The following NMT2 variants were observed in gnomAD, a reference collection of about 807,000 sequenced individuals.
NMT2 encodes the protein N-myristoyltransferase 2.
Under a neutral mutation model 65.4 loss-of-function variants are expected in NMT2, and 35 were observed. That is an observed-to-expected ratio of 0.54 (90% CI 0.41 to 0.71). The LOEUF is 0.71. Among genes scored for constraint, NMT2 ranks in the 30% least tolerant of loss-of-function variants. The pLI, the probability that NMT2 is intolerant of heterozygous loss-of-function variation, is 0.00. For synonymous variants in NMT2, 226 were observed against 231.8 expected (o/e 0.98, Z 0.23); for missense variants, 489 against 611.3 (o/e 0.80, Z 2.11).
intron 1 of NMT2, among the ~76,000 whole-genome samples, chr10:15,146,530 C>T (rs1846969696): frequency 6.6e-6 from 1 of 152,176 alleles, no homozygotes; most frequent in South Asian, 2.1e-4. Flanking sequence ...TGCCCAGAAA[C>T]CCCTATGGGT....
chr10:15,164,575 C>A (rs756827101), intron 1 of NMT2, among the ~76,000 whole-genome samples: 14 of 152,186 alleles, frequency 9.2e-5, no homozygotes, highest in African/African-American at 3.1e-4. Flanking sequence ...AAAAGGACAG[C>A]GAGAAGACAG....
chr10:15,151,188 A>T lies in NMT2; in HGVS notation c.111-9631T>A, dbSNP rs192299723. On this transcript the variant is annotated intron_variant, in intron 1 of 11. Coordinates refer to ENST00000378165, the MANE Select transcript of NMT2 (RefSeq NM_004808.3). ...ATTCTCCTGCCTCAGCCTCCCAAGT[A>T]GCTGGGATTACAGGCATGCGCCACC... is the stretch of plus-strand genomic sequence containing the variant. Among the ~76,000 whole-genome samples, 240 of 151,786 alleles carry T rather than the reference A, an allele frequency of 1.6e-3. 1 individual carries two copies. Among genetic ancestry groups the T allele is most frequent in the African/African-American group, 5.5e-3 (226 of 41,320 alleles).
At chr10:15,140,901 T>C (rs1846731373) in intron 2 of NMT2, 9 of 1,241,336 alleles carry the variant, frequency 7.3e-6, no homozygotes, top group African/African-American at 1.5e-5. Context: ...ACTAGGAGAA[T>C]GTCAGGAACT....
intron 2 of NMT2, among the ~76,000 whole-genome samples, chr10:15,135,630 G>C (rs1846455994): frequency 6.6e-6 from 1 of 152,164 alleles, no homozygotes; most frequent in African/African-American, 2.4e-5. Flanking sequence ...TTTTATTGGG[G>C]CTCTGGCAGT....
At chr10:15,113,685 G>T (rs1845652406) in intron 9 of NMT2, among the ~76,000 whole-genome samples, 1 of 152,080 alleles carries the variant, frequency 6.6e-6, no homozygotes, top group Admixed American at 6.6e-5. Context: ...TTAGCACACA[G>T]AAAGAATTAT....
intron 2 of NMT2, among the ~76,000 whole-genome samples, chr10:15,137,962 C>G (rs1257462139): frequency 6.6e-6 from 1 of 151,950 alleles, no homozygotes; most frequent in Non-Finnish European, 1.5e-5. Context: ...ACATTGATAT[C>G]CCAATGTTCA....
At chr10:15,118,082 A>C (rs1319446656) in intron 9 of NMT2, among the ~76,000 whole-genome samples, 1 of 152,218 alleles carries the variant, frequency 6.6e-6, no homozygotes, top group East Asian at 1.9e-4. Context: ...AACAAGAATA[A>C]AGTGGGAGGA....
intron 1 of NMT2, among the ~76,000 whole-genome samples, chr10:15,161,081 C>CAAAAAAAAAAAAAAAAAAAAAAA (rs750859200): frequency 5.2e-5 from 1 of 19,274 alleles, no homozygotes; most frequent in Non-Finnish European, 9.0e-5. Flanking sequence ...CCTCAAAAAT[C>CAAAAAAAAAAAAAAAAAAAAAAA]AAAAAAAAAA....
At chr10:15,146,697 G>A (rs1251643830) in intron 1 of NMT2, among the ~76,000 whole-genome samples, 1 of 152,166 alleles carries the variant, frequency 6.6e-6, no homozygotes, top group Non-Finnish European at 1.5e-5. Flanking sequence ...GCCTAGGGCT[G>A]GTCCATGAAT....
In NMT2 at chr10:15,124,564, A is replaced by G. The variant is rs138444918; in HGVS notation, c.999+3786T>C. ...GAAAGCTGGCACTCCTACAAGCAAA[A>G]AGAGTAACAATGAAGCAGAAAATGA... On this transcript the variant is annotated intron_variant, in intron 8 of 11. Transcript: ENST00000378165. 9.2e-3 allele frequency among the ~76,000 whole-genome samples: 1,399 copies of G among 152,356 alleles called. 27 individuals are homozygous for G. The highest frequency in any genetic ancestry group is 0.031 in the African/African-American group (1,304 of 41,582).
At chr10:15,130,035 C>G in intron 7 of NMT2, 107 bp downstream of exon 7, 1 of 808,054 alleles carries the variant, frequency 1.2e-6, no homozygotes, top group Non-Finnish European at 1.8e-6. Context: ...ATTCTAGGTT[C>G]TAGTCTCCAT....
chr10:15,149,780 A>G (rs995626731), intron 1 of NMT2, among the ~76,000 whole-genome samples: 1 of 152,054 alleles, frequency 6.6e-6, no homozygotes, highest in African/African-American at 2.4e-5. Context: ...GAGCTTAAGT[A>G]ATTTGCTGAA....
chr10:15,111,602 AAAATT>A (rs1209839652), intron 10 of NMT2: 1 of 151,944 alleles, frequency 6.6e-6, no homozygotes, highest in Non-Finnish European at 1.5e-5. Context: ...TTAATGGTAA[AAAATT>A]AAATTTCTTT....
intron 1 of NMT2, among the ~76,000 whole-genome samples, chr10:15,165,646 G>A (rs796860802): frequency 6.6e-6 from 1 of 152,082 alleles, no homozygotes; most frequent in South Asian, 2.1e-4. Context: ...GGGAGGCCGA[G>A]GCAAGCATAT....
At position 15,155,777 on chromosome 10, in the gene NMT2, A is replaced by G. The variant is rs182833206; in HGVS notation, c.110+12726T>C. 6.0e-3 allele frequency among the ~76,000 whole-genome samples: 908 copies of G among 152,160 alleles called. 8 individuals are homozygous for G. Among genetic ancestry groups the G allele is most frequent in the Non-Finnish European group, 9.2e-3 (624 of 67,984 alleles). On this transcript the variant is annotated intron_variant, in intron 1 of 11. Transcript: ENST00000378165. ...TAAGAAAGCACTTTATGGCTTCTCT[A>G]TGGTGTATCCAAATTGCCAGTGCCA...
At chr10:15,154,681 G>T in intron 1 of NMT2, 1 of 453,216 alleles carries the variant, frequency 2.2e-6, no homozygotes, top group Non-Finnish European at 4.2e-6. Flanking sequence ...GAACCCAAAG[G>T]GAAATGCAGT....
chr10:15,144,350 T>C (rs1193331954), intron 1 of NMT2, among the ~76,000 whole-genome samples: 3 of 152,146 alleles, frequency 2.0e-5, no homozygotes, highest in Admixed American at 2.0e-4. Context: ...TACTTTTCCA[T>C]TTCCTGAGGC....
chr10:15,133,106 T>A lies in NMT2; in HGVS notation c.549A>T (p.Val183=), dbSNP rs1564572331. 1 of 1,614,140 alleles carries A rather than the reference T, an allele frequency of 6.2e-7. No homozygotes were observed. Among genetic ancestry groups the A allele is most frequent in the East Asian group, 2.2e-5 (1 of 44,890 alleles). The change falls in exon 5 of 12, where the codon GTA becomes GTT. Residue 183 remains valine, a synonymous_variant. Transcript: ENST00000378165. The part of the protein sequence containing the change: ...ELYTLLNENY[V]EDDDNMFRFD... ...ATCGGAACATATTGTCATCATCTTC[T>A]ACGTAATTCTCATTTAACAACGTGT...
Position 15,141,004 on chromosome 10 carries a change from GA to G in NMT2, c.246+417del, listed in dbSNP as rs1373754015. The G allele has an allele frequency of 4.5e-6, 7 of 1,550,970 alleles. No individual in the cohort carries two copies. The East Asian group carries it at 1.7e-4, about 38-fold the overall frequency. ...AGACTTACCCATGGCTGCTCCCGCT[GA>G]AATCTGCTGCCAGATGGTGTTGTGC... On this transcript the variant is annotated intron_variant, in intron 2 of 11. Coordinates refer to ENST00000378165, the MANE Select transcript of NMT2 (RefSeq NM_004808.3).
Sources: gnomAD v4.1 joint callset for allele counts (sites outside exome capture counted in the v4.1 genomes callset) on GRCh38, gnomAD v4.1.1 for gene constraint, MANE v1.5 for transcripts, NCBI Gene and HGNC (gene_info 2026-07-23, HGNC 2026-07-21) for gene names.